MRPS5: variants seen among roughly 807,000 people sequenced by gnomAD.
MRPS5 encodes small ribosomal subunit protein uS5m.
A neutral mutation model predicts 51.9 loss-of-function variants in MRPS5; 27 were observed. The ratio of observed to expected loss-of-function variants is 0.52; its 90% CI spans 0.38 to 0.72. The LOEUF (loss-of-function observed/expected upper bound fraction) is 0.72. MRPS5 is among the 30% of genes least tolerant of loss of function. The pLI is 0.00. For missense variants in MRPS5, 570 were observed against 545.7 expected (o/e 1.04, Z -0.44); for synonymous variants, 196 against 193.2 (o/e 1.01, Z -0.12).
chr2:95,089,904 G>A (rs377590504), intron 11 of MRPS5, among the ~76,000 whole-genome samples: 21 of 152,104 alleles, frequency 1.4e-4, no homozygotes, highest in Admixed American at 3.9e-4. Context: ...CAGGCCGGGC[G>A]CGGTGGCTCA....
intron 10 of MRPS5, chr2:95,093,526 T>A (rs928750514): frequency 3.3e-5 from 5 of 152,304 alleles, no homozygotes; most frequent in African/African-American, 1.2e-4. Flanking sequence ...GATCAGGCAG[T>A]AATATTTGCT....
intron 1 of MRPS5, among the ~76,000 whole-genome samples, chr2:95,119,682 G>A (rs185792058): frequency 6.6e-6 from 1 of 151,982 alleles, no homozygotes; most frequent in African/African-American, 2.4e-5. Context: ...GTGCTGGCAA[G>A]GAAGTAGAGA....
intron 10 of MRPS5, among the ~76,000 whole-genome samples, chr2:95,097,222 C>A (rs962459884): frequency 5.3e-5 from 8 of 152,216 alleles, no homozygotes; most frequent in African/African-American, 1.9e-4. Flanking sequence ...ATTCCATGCT[C>A]ATGGATAGGA....
chr2:95,089,639 C>T (rs916434453), intron 11 of MRPS5, among the ~76,000 whole-genome samples: 1 of 152,166 alleles, frequency 6.6e-6, no homozygotes, highest in South Asian at 2.1e-4. Context: ...AGGCATCAGT[C>T]CGAACCACCT....
chr2:95,104,273 A>T (rs980651020), intron 7 of MRPS5: 1 of 169,326 alleles, frequency 5.9e-6, no homozygotes, highest in African/African-American at 2.4e-5. Context: ...CTAATTTCCC[A>T]TAATTCTTTA....
intron 10 of MRPS5, among the ~76,000 whole-genome samples, chr2:95,095,190 T>C (rs904686601): frequency 2.6e-5 from 4 of 152,324 alleles, no homozygotes; most frequent in Non-Finnish European, 4.4e-5. Context: ...CCTAAATATA[T>C]ATGCATCCAA....
At chr2:95,114,586 T>G (rs1676229231) in intron 3 of MRPS5, among the ~76,000 whole-genome samples, 1 of 152,170 alleles carries the variant, frequency 6.6e-6, no homozygotes, top group Non-Finnish European at 1.5e-5. Flanking sequence ...TAATTTCTTT[T>G]AATTTGCCTA....
At position 95,110,059 on chromosome 2, in the gene MRPS5, T is replaced by C; in HGVS notation, c.278-18A>G. ...TGCAGTCACTGTAACGAAACAGGGT[T>C]TCTTTTCTTAATTCTGTAGTTTTCA... is the stretch of plus-strand genomic sequence containing the variant. On this transcript the variant is annotated intron_variant, in intron 3 of 11. Coordinates refer to ENST00000272418, the MANE Select transcript of MRPS5 (RefSeq NM_031902.5). 6.2e-7 allele frequency: 1 copy of C among 1,600,918 alleles called. No homozygotes were observed. The highest frequency in any genetic ancestry group is 8.5e-7 in the Non-Finnish European group (1 of 1,176,908).
chr2:95,106,673 A>C (rs577437335), intron 5 of MRPS5: 1 of 573,208 alleles, frequency 1.7e-6, no homozygotes, highest in South Asian at 2.1e-5. Context: ...CCCCACCTGC[A>C]CCCTCCTCCC....
At chr2:95,112,862 G>A (rs571963798) in intron 3 of MRPS5, among the ~76,000 whole-genome samples, 55 of 152,070 alleles carry the variant, frequency 3.6e-4, no homozygotes, top group African/African-American at 9.2e-4. Flanking sequence ...AAAATTAGCC[G>A]GGCGTGGTGG....
At chr2:95,113,053 G>A (rs566161879) in intron 3 of MRPS5, among the ~76,000 whole-genome samples, 6 of 151,832 alleles carry the variant, frequency 4.0e-5, no homozygotes, top group African/African-American at 1.4e-4. Context: ...CACTGAGGAA[G>A]AAGAGGAAGA....
At chr2:95,117,841 G>A (rs754835852) in intron 2 of MRPS5, 24 bp downstream of exon 2, 14 of 1,550,634 alleles carry the variant, frequency 9.0e-6, no homozygotes, top group Middle Eastern at 1.7e-4. Flanking sequence ...TATGAGAAAA[G>A]GTAGTAGCAT....
At chr2:95,121,860 C>T (rs569337416), upstream of MRPS5, 1,428 of 1,461,742 alleles carry the variant, frequency 9.8e-4, 22 homozygotes, top group South Asian at 0.018. Context: ...GCGACTGCTC[C>T]TCGTCAAACG....
At chr2:95,117,631 A>T (rs967542762) in intron 2 of MRPS5, among the ~76,000 whole-genome samples, 2 of 151,384 alleles carry the variant, frequency 1.3e-5, no homozygotes, top group Non-Finnish European at 2.9e-5. Flanking sequence ...ACTATTTCAT[A>T]AAGCCTTGAA....
chr2:95,110,302 A>G (rs984730630), intron 3 of MRPS5, among the ~76,000 whole-genome samples: 3 of 152,234 alleles, frequency 2.0e-5, no homozygotes, highest in Non-Finnish European at 2.9e-5. Flanking sequence ...CTTAAAAGCC[A>G]GCATTCAAAT....
rs1197220868 is a variant in MRPS5 at position 95,100,911 on chromosome 2, TTTC to T, written c.811-20_811-18del. The stretch of plus-strand genomic sequence containing the variant: ...GTTCTTTGCCTGAAAGGAAAATGTT[TTTC>T]TTAACTCTATTGTTGAAATTTACAT... On this transcript the variant is annotated intron_variant, in intron 8 of 11. Transcript: ENST00000272418. The T allele has an allele frequency of 1.3e-6, 2 of 1,597,054 alleles. No individual in the cohort carries two copies. Among genetic ancestry groups the T allele is most frequent in the Non-Finnish European group, 8.5e-7 (1 of 1,172,284 alleles).
At chr2:95,089,319 TACCTAAAACCC>T (rs1332594395) in intron 11 of MRPS5, among the ~76,000 whole-genome samples, 3 of 152,208 alleles carry the variant, frequency 2.0e-5, no homozygotes, top group African/African-American at 7.2e-5. Flanking sequence ...TGGATCACTT[TACCTAAAACCC>T]ACCACTGTAC....
intron 10 of MRPS5, among the ~76,000 whole-genome samples, chr2:95,096,729 AT>A (rs1264958201): frequency 1.3e-5 from 2 of 152,190 alleles, no homozygotes; most frequent in Non-Finnish European, 2.9e-5. Context: ...CACAGCCAAT[AT>A]CATACTGAAT....
chr2:95,098,267 T>C (rs1444777271), intron 10 of MRPS5, among the ~76,000 whole-genome samples: 1 of 152,216 alleles, frequency 6.6e-6, no homozygotes, highest in Non-Finnish European at 1.5e-5. Flanking sequence ...TCGACCATTG[T>C]GGAAGATAGT....
Sources: allele counts gnomAD v4.1 joint callset (sites outside exome capture counted in the v4.1 genomes callset), GRCh38; gene constraint gnomAD v4.1.1; transcripts MANE v1.5; gene names NCBI Gene and HGNC (gene_info 2026-07-23, HGNC 2026-07-21).